The following DDC variants were observed in gnomAD, a reference collection of about 807,000 sequenced individuals.
The protein encoded by DDC is aromatic-L-amino-acid decarboxylase.
DDC carries 43 observed loss-of-function variants against 60.0 expected under a neutral mutation model. The observed-to-expected ratio is 0.72, with a 90% confidence interval of 0.56 to 0.92. DDC has a LOEUF of 0.92. Ranked by LOEUF, DDC falls within the 40% of genes least tolerant of loss-of-function variation. DDC has a pLI of 0.00. For missense variants in DDC, 573 were observed against 620.2 expected, an observed-to-expected ratio of 0.92 and a Z score of 0.81; for synonymous variants, 232 against 234.6, an observed-to-expected ratio of 0.99 and a Z score of 0.10.
chr7:50,559,462 C>G (rs1373121052), intron 1 of DDC, among the ~76,000 whole-genome samples: 1 of 150,846 alleles, frequency 6.6e-6, no homozygotes, highest in East Asian at 1.9e-4. Flanking sequence ...GAGTCTCGCT[C>G]TGTTGCCCAG....
At chr7:50,555,213 C>T (rs935326112) in intron 1 of DDC, among the ~76,000 whole-genome samples, 6 of 151,354 alleles carry the variant, frequency 4.0e-5, no homozygotes, top group Non-Finnish European at 8.8e-5. Context: ...ACTAAACCTC[C>T]CATTGGCAGA....
In DDC at chr7:50,507,290, T is replaced by C. The variant is rs2043424684; in HGVS notation, c.715-3231A>G. On this transcript the variant is annotated intron_variant, in intron 6 of 14. Coordinates refer to ENST00000444124, the MANE Select transcript of DDC (RefSeq NM_001082971.2). ...TTCACTCTTTTTGTCGAGGCTGGAGTGCAGTGGTGCGATCTCAGCTCACTG... is the reference window on the plus strand; with the variant it reads ...TTCACTCTTTTTGTCGAGGCTGGAGCGCAGTGGTGCGATCTCAGCTCACTG... Among the ~76,000 whole-genome samples the C allele has an allele frequency of 2.0e-5, 3 of 152,008 alleles. 1 individual carries two copies. The highest frequency in any genetic ancestry group is 4.2e-4 in the South Asian group (2 of 4,802).
intron 1 of DDC, among the ~76,000 whole-genome samples, chr7:50,554,617 G>A (rs895035579): frequency 5.9e-5 from 9 of 152,128 alleles, no homozygotes; most frequent in Admixed American, 2.0e-4. Context: ...CTTAGGTAGC[G>A]CTGACAGATT....
chr7:50,494,421 A>G (rs7780360), intron 9 of DDC, among the ~76,000 whole-genome samples: 96,824 of 151,736 alleles, frequency 0.64, 31,294 homozygotes, highest in Non-Finnish European at 0.7. Context: ...CGAGAATGGC[A>G]TGAACCTGGG....
intron 6 of DDC, among the ~76,000 whole-genome samples, chr7:50,515,579 A>G (rs1237976002): frequency 6.6e-6 from 1 of 152,248 alleles, no homozygotes; most frequent in Non-Finnish European, 1.5e-5. Context: ...AGGGTACCTC[A>G]TATTTCAATA....
chr7:50,462,822 C>T (rs188496719), intron 14 of DDC, among the ~76,000 whole-genome samples: 115 of 134,728 alleles, frequency 8.5e-4, no homozygotes, highest in Middle Eastern at 9.6e-3. Flanking sequence ...CAGGCTGTAA[C>T]GCAGTGGCGC....
In DDC at chr7:50,528,359, A is replaced by G; in HGVS notation, c.571-79T>C. The G allele has an allele frequency of 1.9e-6, 3 of 1,582,378 alleles. No homozygotes were observed. In the African/African-American group the frequency reaches 4.0e-5, roughly 21 times the overall value. ...ACCAGGCCCTGGATCGGCAGAGAGC[A>G]GCCAACATTGCAAACACAAGGTCCC... is the stretch of plus-strand genomic sequence containing the variant. On this transcript the variant is annotated intron_variant, in intron 5 of 14. Transcript: ENST00000444124.
intron 1 of DDC, among the ~76,000 whole-genome samples, chr7:50,551,767 T>C (rs1236584207): frequency 6.6e-6 from 1 of 152,246 alleles, no homozygotes; most frequent in East Asian, 1.9e-4. Context: ...AATTCTATTC[T>C]GACCTATGAG....
At chr7:50,539,706 G>T (rs1031372077) in intron 3 of DDC, 40 of 565,292 alleles carry the variant, frequency 7.1e-5, no homozygotes, top group Non-Finnish European at 1.2e-4. Flanking sequence ...AATGGGCTTT[G>T]AGTTGTTGAG....
At chr7:50,563,242 T>C (rs1430832430) in intron 1 of DDC, among the ~76,000 whole-genome samples, 1 of 152,112 alleles carries the variant, frequency 6.6e-6, no homozygotes, top group African/African-American at 2.4e-5. Flanking sequence ...ATTTAATTAA[T>C]TGGATTGAAT....
At chr7:50,536,367 C>T (rs2044412367) in intron 4 of DDC, among the ~76,000 whole-genome samples, 1 of 152,208 alleles carries the variant, frequency 6.6e-6, no homozygotes, top group South Asian at 2.1e-4. Context: ...CCACCTTGGG[C>T]ACATGTAGTC....
At chr7:50,461,188 TTAAA>T (rs1385186962) in intron 14 of DDC, among the ~76,000 whole-genome samples, 1 of 152,228 alleles carries the variant, frequency 6.6e-6, no homozygotes, top group Non-Finnish European at 1.5e-5. Flanking sequence ...GAGTTTGAAC[TTAAA>T]TAAAGGAATT....
At chr7:50,527,788 A>T (rs1030474443) in intron 6 of DDC, 4 of 283,406 alleles carry the variant, frequency 1.4e-5, no homozygotes, top group Non-Finnish European at 2.7e-5. Flanking sequence ...CTTGGCTGTC[A>T]CCTTGCTCTG....
At chr7:50,520,427 A>C (rs956753964) in intron 6 of DDC, among the ~76,000 whole-genome samples, 2 of 148,726 alleles carry the variant, frequency 1.3e-5, no homozygotes, top group African/African-American at 5.0e-5. Flanking sequence ...TTTAAGGTCA[A>C]AGGAGAAGTC....
intron 1 of DDC, among the ~76,000 whole-genome samples, chr7:50,555,822 G>A (rs2045166765): frequency 6.6e-6 from 1 of 152,214 alleles, no homozygotes; most frequent in Non-Finnish European, 1.5e-5. Context: ...ACCTGCTGTA[G>A]TCAGATGAGG....
intron 4 of DDC, among the ~76,000 whole-genome samples, chr7:50,536,983 T>C (rs977803464): frequency 2.0e-5 from 3 of 151,058 alleles, no homozygotes; most frequent in African/African-American, 7.3e-5. Flanking sequence ...ATGAGAAAAA[T>C]GATTAAGGGA....
At chr7:50,534,131 A>T (rs904063563) in intron 4 of DDC, among the ~76,000 whole-genome samples, 5 of 152,180 alleles carry the variant, frequency 3.3e-5, no homozygotes, top group Non-Finnish European at 4.4e-5. Context: ...CAGTTCCTGG[A>T]CAACTTCTAA....
At chr7:50,535,661 G>T (rs1015697771) in intron 4 of DDC, among the ~76,000 whole-genome samples, 1 of 152,170 alleles carries the variant, frequency 6.6e-6, no homozygotes, top group African/African-American at 2.4e-5. Context: ...TTTTGGCCCA[G>T]AGTCTAGGAA....
At chr7:50,525,688 T>C (rs1374384851) in intron 6 of DDC, among the ~76,000 whole-genome samples, 1 of 152,010 alleles carries the variant, frequency 6.6e-6, no homozygotes, top group Non-Finnish European at 1.5e-5. Context: ...TACTTGAACC[T>C]GGGAGGCAGA....
Sources: allele counts gnomAD v4.1 joint callset (sites outside exome capture counted in the v4.1 genomes callset), GRCh38; gene constraint gnomAD v4.1.1; transcripts MANE v1.5; gene names NCBI Gene and HGNC (gene_info 2026-07-23, HGNC 2026-07-21).